The following PPP1R12C variants were observed in gnomAD, a reference collection of about 807,000 sequenced individuals.
PPP1R12C encodes the protein leukocyte receptor cluster (LRC) encoded novel gene 3.
A neutral mutation model predicts 95.6 loss-of-function variants in PPP1R12C; 48 were observed. The ratio of observed to expected loss-of-function variants is 0.50; its 90% CI spans 0.40 to 0.64. PPP1R12C has a LOEUF of 0.64. Ranked by LOEUF, PPP1R12C falls within the 30% of genes least tolerant of loss-of-function variation. PPP1R12C has a pLI of 0.00. For synonymous variants in PPP1R12C, 480 were observed against 460.8 expected (o/e 1.04, Z -0.53); for missense variants, 1,057 against 1,083.3 (o/e 0.98, Z 0.34).
At chr19:55,095,181 G>A (rs959624220) in intron 11 of PPP1R12C, 110 bp downstream of exon 11, 12 of 1,244,734 alleles carry the variant, frequency 9.6e-6, no homozygotes, top group African/African-American at 1.5e-5. Context: ...CTGGAGTGGC[G>A]GCAGGAACCA....
chr19:55,095,823 C>T (rs765431640), intron 9 of PPP1R12C, 44 bp downstream of exon 9: 31 of 1,595,018 alleles, frequency 1.9e-5, no homozygotes, highest in African/African-American at 5.4e-5. Context: ...ATCCCACCTC[C>T]GGGCCCTCCC....
At chr19:55,097,505 C>A (rs1172049354) in intron 6 of PPP1R12C, among the ~76,000 whole-genome samples, 1 of 144,364 alleles carries the variant, frequency 6.9e-6, no homozygotes, top group African/African-American at 2.6e-5. Flanking sequence ...ACCGTCTTCA[C>A]CCCTACCCCG....
In PPP1R12C at chr19:55,095,585, AG is replaced by A; in HGVS notation, c.1245del (p.Phe416SerfsTer8). The A allele has an allele frequency of 6.4e-7, 1 of 1,571,804 alleles. No homozygotes were observed. The highest frequency in any genetic ancestry group is 8.6e-7 in the Non-Finnish European group (1 of 1,163,156). ...PKSPVQLEEAPFSRRFGLLKT... is the reference protein window; with the variant it reads ...PKSPVQLEEAXFSRRFGLLKT... ...TTCAGGAGGCCAAAGCGCCTGGAGA[AG>A]GGGGCCTCTTCAAGCTGCTGGGAGA... On this transcript the variant is annotated frameshift_variant, in exon 10 of 22. Coordinates refer to ENST00000263433, the MANE Select transcript of PPP1R12C (RefSeq NM_017607.4). LOFTEE classifies it high-confidence loss of function.
intron 12 of PPP1R12C, 112 bp from the exon 13 acceptor site, chr19:55,094,547 A>C: frequency 6.4e-7 from 1 of 1,562,858 alleles, no homozygotes; most frequent in Admixed American, 1.8e-5. Flanking sequence ...AACTCCCAGC[A>C]GACCTGAGGC....
intron 3 of PPP1R12C, among the ~76,000 whole-genome samples, chr19:55,110,995 G>A (rs1279709947): frequency 2.0e-5 from 3 of 152,052 alleles, no homozygotes; most frequent in African/African-American, 7.2e-5. Flanking sequence ...CTATACCTGG[G>A]AAGAGATCGC....
chr19:55,113,477 C>T (rs1267375929), intron 1 of PPP1R12C: 2 of 1,471,758 alleles, frequency 1.4e-6, no homozygotes, highest in East Asian at 2.7e-5. Flanking sequence ...CTGACACGGG[C>T]CACCGTTTCT....
At chr19:55,100,596 TG>T (rs1427681428) in intron 4 of PPP1R12C, among the ~76,000 whole-genome samples, 1 of 152,198 alleles carries the variant, frequency 6.6e-6, no homozygotes, top group African/African-American at 2.4e-5. Context: ...CTGCAACAAA[TG>T]TTTTTTTGTT....
chr19:55,092,895 G>T, intron 15 of PPP1R12C, 27 bp from the exon 16 acceptor site: 1 of 1,602,612 alleles, frequency 6.2e-7, no homozygotes, highest in Non-Finnish European at 8.5e-7. Flanking sequence ...AATCAGCCCA[G>T]GCACCTCCAG....
chr19:55,113,359 C>G (rs1161892121), intron 1 of PPP1R12C: 2 of 1,385,812 alleles, frequency 1.4e-6, no homozygotes, highest in Non-Finnish European at 1.9e-6. Context: ...GGGGCCTGGG[C>G]GGGACTCCCA....
intron 6 of PPP1R12C, among the ~76,000 whole-genome samples, chr19:55,098,316 T>A (rs1165628465): frequency 2.0e-5 from 3 of 152,218 alleles, no homozygotes; most frequent in African/African-American, 2.4e-5. Flanking sequence ...GGCAGATCCA[T>A]GGCAGAGCCG....
chr19:55,112,896 G>C, intron 1 of PPP1R12C, 101 bp from the exon 2 acceptor site: 2 of 1,489,250 alleles, frequency 1.3e-6, no homozygotes, highest in Non-Finnish European at 1.8e-6. Flanking sequence ...CAGGGACACG[G>C]TGCTAGGACA....
Position 55,091,222 on chromosome 19 carries a change from G to C in PPP1R12C, c.*250C>G. ...CTTCTTGGTCCTCAGTTCCTTCCTG[G>C]TCCCGTCTCTGGCCCTGGTCCCCTC... On this transcript the variant is annotated 3_prime_UTR_variant, in exon 22 of 22. Coordinates refer to ENST00000263433, the MANE Select transcript of PPP1R12C (RefSeq NM_017607.4). 1 of 556,648 alleles carries C rather than the reference G, an allele frequency of 1.8e-6. No homozygotes were observed. Among genetic ancestry groups the C allele is most frequent in the Non-Finnish European group, 3.2e-6 (1 of 309,714 alleles). 34.5% of individuals were successfully genotyped at this position (556,648 alleles called of 1,614,324 possible).
chr19:55,105,140 A>G (rs937865078), intron 3 of PPP1R12C, among the ~76,000 whole-genome samples: 1 of 151,086 alleles, frequency 6.6e-6, no homozygotes, highest in African/African-American at 2.4e-5. Flanking sequence ...ATTATGGCTC[A>G]CTGAAGCCTC....
chr19:55,092,146 G>C, intron 19 of PPP1R12C, 76 bp downstream of exon 19: 1 of 1,355,386 alleles, frequency 7.4e-7, no homozygotes, highest in Non-Finnish European at 1.0e-6. Context: ...CCCAGGCCAG[G>C]CTCTACCTCC....
chr19:55,113,693 G>A, intron 1 of PPP1R12C: 3 of 976,556 alleles, frequency 3.1e-6, no homozygotes, highest in Non-Finnish European at 4.0e-6. Flanking sequence ...CCATCTGGAG[G>A]AGGCGGGAGG....
chr19:55,103,732 A>G (rs568707709), intron 3 of PPP1R12C, among the ~76,000 whole-genome samples, 164 bp from the exon 4 acceptor site: 1 of 152,100 alleles, frequency 6.6e-6, no homozygotes, highest in Admixed American at 6.6e-5. Context: ...TTGTTTCCCA[A>G]CTGTACTCCA....
rs1224522177 is a variant in PPP1R12C, at chr19:55,099,061, G to A, written c.766C>T (p.Arg256Trp). The A allele has an allele frequency of 1.3e-6, 2 of 1,552,498 alleles. No homozygotes were observed. Among genetic ancestry groups the A allele is most frequent in the South Asian group, 1.2e-5 (1 of 84,202 alleles). ...LLQAGYDPEL[R>W]DGDGWTPLHA... is the part of the protein sequence containing the mutation. Reference sequence around the variant, plus strand: ...AGGGGAGTCCAGCCGTCCCCGTCCCGGAGCTCTGGGTCGTAGCCAGCCTGA... The same window carrying A: ...AGGGGAGTCCAGCCGTCCCCGTCCCAGAGCTCTGGGTCGTAGCCAGCCTGA... Residue 256 changes from arginine to tryptophan, a missense_variant, in exon 5 of 22, where the codon CGG becomes TGG. This residue lies in a region of PPP1R12C where 282 missense variants were observed against 380.4 expected (regional missense o/e 0.74). Coordinates refer to ENST00000263433, the MANE Select transcript of PPP1R12C (RefSeq NM_017607.4).
intron 11 of PPP1R12C, chr19:55,095,011 A>G (rs1175406428): frequency 1.4e-6 from 1 of 702,462 alleles, no homozygotes; most frequent in Non-Finnish European, 2.4e-6. Flanking sequence ...CAGCAGTGCG[A>G]GAACTGAGAG....
Position 55,095,958 on chromosome 19 carries a change from CGGGCA to C in PPP1R12C, c.1154-23_1154-19del, listed in dbSNP as rs1568807801. ...GGGTGGTTCTGTGATGTGGGAACAC[CGGGCA>C]GGTCACAGAAGATGCCAGTTGCCTC... On this transcript the variant is annotated intron_variant, in intron 8 of 21. Coordinates refer to ENST00000263433, the MANE Select transcript of PPP1R12C (RefSeq NM_017607.4). 3 of 1,610,942 alleles carry C rather than the reference CGGGCA, an allele frequency of 1.9e-6. No homozygotes were observed.
Sources: gnomAD v4.1 joint callset for allele counts (sites outside exome capture counted in the v4.1 genomes callset) on GRCh38, gnomAD v4.1.1 for gene constraint, gnomAD v4.1.1 regional missense constraint, MANE v1.5 for transcripts, NCBI Gene and HGNC (gene_info 2026-07-23, HGNC 2026-07-21) for gene names.